Variants in CATSPERE observed in about 807,000 individuals in gnomAD.
CATSPERE encodes cation channel sperm-associated auxiliary subunit epsilon.
CATSPERE carries 93 observed loss-of-function variants against 114.1 expected under a neutral mutation model. The ratio of observed to expected loss-of-function variants is 0.81; its 90% CI spans 0.69 to 0.97. The LOEUF (loss-of-function observed/expected upper bound fraction) is 0.97. Among genes scored for constraint, CATSPERE ranks in the 50% least tolerant of loss-of-function variants. The pLI is 0.00. For missense variants in CATSPERE, 1,058 were observed against 1,131.6 expected, an observed-to-expected ratio of 0.93 and a Z score of 0.93; for synonymous variants, 341 against 384.1, an observed-to-expected ratio of 0.89 and a Z score of 1.31.
In CATSPERE at chr1:244,607,300, C is replaced by T. The variant is rs1356638697; in HGVS notation, c.2403+1506C>T. ...CCACTAAGAGATACAGTATCATTTC[C>T]AGGTCATTCTCTCTTCACTCTAAGT... On this transcript the variant is annotated intron_variant, in intron 18 of 21. Transcript: ENST00000366534. This position sits in a 1 kb window ranked among gnomAD's most constrained non-coding sequence, Gnocchi z 4.4. Among the ~76,000 whole-genome samples the T allele has an allele frequency of 6.6e-6, 1 of 152,158 alleles. No homozygotes were observed. The highest frequency in any genetic ancestry group is 1.5e-5 in the Non-Finnish European group (1 of 68,028).
chr1:244,621,198 TATAG>T (rs1243119895), intron 20 of CATSPERE, among the ~76,000 whole-genome samples: 1 of 7,142 alleles, frequency 1.4e-4, no homozygotes, highest in African/African-American at 3.4e-4. Context: ...GATATATTTA[TATAG>T]ATATATTTAT....
chr1:244,592,389 C>CT (rs1667848288), intron 15 of CATSPERE, among the ~76,000 whole-genome samples: 1 of 151,978 alleles, frequency 6.6e-6, no homozygotes, highest in Non-Finnish European at 1.5e-5. Flanking sequence ...TAAAATTTGA[C>CT]TTTTACCTTT....
chr1:244,451,877 G>C (rs113786597), upstream of CATSPERE: 1 of 1,440,686 alleles, frequency 6.9e-7, no homozygotes, highest in South Asian at 1.4e-5. The surrounding 1 kb of genome is among the most constrained non-coding windows in gnomAD (Gnocchi z 6.6). Context: ...TGAGCGAACT[G>C]AACTGCTCTG....
At chr1:244,637,226 G>A (rs1013227763) in intron 21 of CATSPERE, among the ~76,000 whole-genome samples, 4 of 152,042 alleles carry the variant, frequency 2.6e-5, no homozygotes, top group South Asian at 2.1e-4. Context: ...GGCTCATGGC[G>A]TCCGCTGCAG....
chr1:244,470,920 C>A (rs953032480), intron 2 of CATSPERE, among the ~76,000 whole-genome samples: 2 of 152,090 alleles, frequency 1.3e-5, no homozygotes, highest in African/African-American at 4.8e-5. Flanking sequence ...CACAAAGGAC[C>A]ACATGTTGTA....
intron 20 of CATSPERE, among the ~76,000 whole-genome samples, chr1:244,626,837 C>A (rs1673263216): frequency 6.6e-6 from 1 of 152,182 alleles, no homozygotes; most frequent in Admixed American, 6.5e-5. Context: ...CTGTCCAGAC[C>A]ATTCAAACTT....
rs1674544756 is a variant in CATSPERE, at chr1:244,635,671, A to G, written c.2702+129A>G. 4 of 636,796 alleles carry G rather than the reference A, an allele frequency of 6.3e-6. No individual in the cohort carries two copies. In the Admixed American group the frequency reaches 1.2e-4, roughly 19 times the overall value. 39.4% of individuals were successfully genotyped at this position (636,796 alleles called of 1,614,324 possible). A position where few individuals can be genotyped will look rare whatever the true frequency, so the allele number is the denominator to read the frequency against. On this transcript the variant is annotated intron_variant, in intron 21 of 21. Coordinates refer to ENST00000366534, the MANE Select transcript of CATSPERE (RefSeq NM_001130957.2). ...TGTGCACTCACTTTTCAGGGCCCCC[A>G]GCTTAAATCTTATTATGAAAATTAT...
At chr1:244,557,995 G>C (rs1661921876) in intron 9 of CATSPERE, among the ~76,000 whole-genome samples, 2 of 151,980 alleles carry the variant, frequency 1.3e-5, no homozygotes. Flanking sequence ...CTGCCACCCA[G>C]GCTGGAGTGC....
At chr1:244,459,735 T>A (rs961390514), upstream of CATSPERE, among the ~76,000 whole-genome samples, 1 of 152,370 alleles carries the variant, frequency 6.6e-6, no homozygotes, top group Non-Finnish European at 1.5e-5. Context: ...AATTGGGAAT[T>A]GTACTCCTCA....
At chr1:244,632,811 C>A (rs1674139285) in intron 20 of CATSPERE, among the ~76,000 whole-genome samples, 1 of 152,068 alleles carries the variant, frequency 6.6e-6, no homozygotes, top group Admixed American at 6.6e-5. Context: ...ACATTAAATA[C>A]AAATGGTCTA....
At chr1:244,531,893 G>A (rs1207474731) in intron 8 of CATSPERE, among the ~76,000 whole-genome samples, 1 of 152,174 alleles carries the variant, frequency 6.6e-6, no homozygotes. Flanking sequence ...GGGATAGTTT[G>A]AGTCAGATTG....
At chr1:244,516,666 C>T (rs939503912) in intron 7 of CATSPERE, among the ~76,000 whole-genome samples, 2 of 152,020 alleles carry the variant, frequency 1.3e-5, no homozygotes, top group African/African-American at 2.4e-5. Flanking sequence ...GGACTACAGG[C>T]GTGTGCTACC....
intron 5 of CATSPERE, among the ~76,000 whole-genome samples, chr1:244,488,665 T>G (rs75773132): frequency 0.014 from 2,080 of 152,346 alleles, 69 homozygotes; most frequent in East Asian, 0.037. Context: ...CTTCAAATTT[T>G]CCTTCCAGAT....
chr1:244,556,384 T>A (rs1661577654), intron 9 of CATSPERE, among the ~76,000 whole-genome samples: 1 of 151,872 alleles, frequency 6.6e-6, no homozygotes, highest in Admixed American at 6.6e-5. Flanking sequence ...CAATAGAAAA[T>A]AAAATGTATA....
chr1:244,591,334 G>A (rs920035424), intron 14 of CATSPERE, among the ~76,000 whole-genome samples: 2 of 150,602 alleles, frequency 1.3e-5, no homozygotes, highest in African/African-American at 4.9e-5. Context: ...AAGTCACCAT[G>A]TTGTACAATA....
intron 6 of CATSPERE, among the ~76,000 whole-genome samples, chr1:244,495,796 T>C (rs1475370921): frequency 6.6e-6 from 1 of 152,154 alleles, no homozygotes; most frequent in Non-Finnish European, 1.5e-5. Flanking sequence ...CTCTACTGAC[T>C]GGCTTAGGAT....
chr1:244,577,878 C>T (rs1665528883), intron 11 of CATSPERE, among the ~76,000 whole-genome samples: 1 of 151,872 alleles, frequency 6.6e-6, no homozygotes, highest in African/African-American at 2.4e-5. Context: ...ACAAAGATAC[C>T]AAAGGCATAT....
upstream of CATSPERE, among the ~76,000 whole-genome samples, chr1:244,452,594 G>A (rs1665708213): frequency 6.6e-6 from 1 of 152,254 alleles, no homozygotes. Flanking sequence ...CAAAGGCTCA[G>A]AGAGGAGGAG....
At chr1:244,619,658 A>G (rs568489777) in intron 20 of CATSPERE, among the ~76,000 whole-genome samples, 2 of 152,200 alleles carry the variant, frequency 1.3e-5, no homozygotes, top group Non-Finnish European at 2.9e-5. Context: ...ACTCAGGGAA[A>G]CTAACAGGGG....
Sources: allele counts gnomAD v4.1 joint callset (sites outside exome capture counted in the v4.1 genomes callset), GRCh38; gene constraint gnomAD v4.1.1; non-coding constraint Gnocchi (gnomAD v3.1); transcripts MANE v1.5; gene names NCBI Gene and HGNC (gene_info 2026-07-23, HGNC 2026-07-21).